The following COX7B2 variants were observed in gnomAD, a reference collection of about 807,000 sequenced individuals.
COX7B2 encodes cytochrome c oxidase subunit 7B2.
For synonymous variants in COX7B2, 37 were observed against 32.1 expected, an observed-to-expected ratio of 1.15 and a Z score of -0.51; for missense variants, 109 against 95.9, an observed-to-expected ratio of 1.14 and a Z score of -0.57.
At chr4:46,756,228 A>G (rs1715790057) in intron 2 of COX7B2, among the ~76,000 whole-genome samples, 1 of 152,122 alleles carries the variant, frequency 6.6e-6, no homozygotes, top group South Asian at 2.1e-4. Context: ...ATCCTATTCA[A>G]TAATGTTGCT....
chr4:46,885,724 T>G (rs1033018133), intron 1 of COX7B2, among the ~76,000 whole-genome samples: 1 of 152,166 alleles, frequency 6.6e-6, no homozygotes, highest in African/African-American at 2.4e-5. Context: ...TTCTCATTTA[T>G]CTAAGCATTT....
intron 1 of COX7B2, among the ~76,000 whole-genome samples, chr4:46,877,688 C>T (rs946486680): frequency 1.2e-4 from 18 of 152,110 alleles, no homozygotes; most frequent in Non-Finnish European, 2.4e-4. Flanking sequence ...CACCCCATAC[C>T]TGTTAGAATA....
intron 2 of COX7B2, among the ~76,000 whole-genome samples, chr4:46,759,656 A>G (rs1231046576): frequency 6.6e-6 from 1 of 152,216 alleles, no homozygotes; most frequent in South Asian, 2.1e-4. Flanking sequence ...ATACCATCTC[A>G]TGCCAGTTAG....
At chr4:46,846,914 A>G (rs1716318143) in intron 1 of COX7B2, among the ~76,000 whole-genome samples, 1 of 151,948 alleles carries the variant, frequency 6.6e-6, no homozygotes, top group South Asian at 2.1e-4. Flanking sequence ...AGAGTGTGGG[A>G]AAAAACAGGT....
intron 1 of COX7B2, among the ~76,000 whole-genome samples, chr4:46,897,806 C>A (rs1245754637): frequency 6.6e-6 from 1 of 152,214 alleles, no homozygotes; most frequent in Non-Finnish European, 1.5e-5. Flanking sequence ...CACCTCACCC[C>A]TACCCTGGGT....
intron 2 of COX7B2, among the ~76,000 whole-genome samples, chr4:46,739,571 G>A (rs1714582263): frequency 6.6e-6 from 1 of 152,114 alleles, no homozygotes; most frequent in Non-Finnish European, 1.5e-5. Flanking sequence ...AGCACAGGGT[G>A]TATTTAGTTC....
intron 2 of COX7B2, among the ~76,000 whole-genome samples, chr4:46,778,194 T>C (rs578160902): frequency 6.6e-6 from 1 of 152,092 alleles, no homozygotes; most frequent in Non-Finnish European, 1.5e-5. Flanking sequence ...ATAAGAACTT[T>C]GAAAATTTCA....
At chr4:46,797,330 G>T (rs4309808) in intron 2 of COX7B2, among the ~76,000 whole-genome samples, 151,961 of 152,208 alleles carry the variant, frequency 1, 75,857 homozygotes, top group Middle Eastern at 1. Context: ...CAAACATCAC[G>T]GTGTTCTACC....
chr4:46,902,930 T>C (rs1720158458), intron 1 of COX7B2, among the ~76,000 whole-genome samples: 1 of 152,110 alleles, frequency 6.6e-6, no homozygotes, highest in African/African-American at 2.4e-5. Flanking sequence ...ATTCTATAAC[T>C]AAGGCTGAAA....
At chr4:46,760,856 G>A (rs1386088697) in intron 2 of COX7B2, among the ~76,000 whole-genome samples, 1 of 152,156 alleles carries the variant, frequency 6.6e-6, no homozygotes, top group Non-Finnish European at 1.5e-5. Context: ...TCTTAGTTAA[G>A]TGTTCAAAAT....
intron 1 of COX7B2, among the ~76,000 whole-genome samples, chr4:46,880,992 A>AT (rs1491293141): frequency 7.0e-6 from 1 of 143,550 alleles, no homozygotes; most frequent in Non-Finnish European, 1.5e-5. Flanking sequence ...TTAGAGTATA[A>AT]TAAAAAAAAA....
At chr4:46,873,150 ACTCATC>A (rs1360261808) in intron 1 of COX7B2, among the ~76,000 whole-genome samples, 3 of 152,028 alleles carry the variant, frequency 2.0e-5, no homozygotes, top group Non-Finnish European at 4.4e-5. Context: ...AAGGACATGA[ACTCATC>A]CTTTTTTACA....
At chr4:46,861,734 T>C (rs897240095) in intron 1 of COX7B2, among the ~76,000 whole-genome samples, 2 of 152,224 alleles carry the variant, frequency 1.3e-5, no homozygotes, top group Admixed American at 1.3e-4. Flanking sequence ...GCGGTGGTTG[T>C]AGAATGTTTC....
intron 1 of COX7B2, among the ~76,000 whole-genome samples, chr4:46,880,406 C>T (rs991210294): frequency 1.5e-5 from 2 of 129,132 alleles, no homozygotes; most frequent in African/African-American, 5.5e-5. Context: ...TCTATCAGGT[C>T]CTGGGCTTTT....
intron 1 of COX7B2, among the ~76,000 whole-genome samples, chr4:46,850,577 C>A (rs906480069): frequency 3.3e-5 from 5 of 152,072 alleles, no homozygotes; most frequent in African/African-American, 7.2e-5. Flanking sequence ...GACTTCACTT[C>A]ATTTTAATAT....
intron 1 of COX7B2, among the ~76,000 whole-genome samples, chr4:46,867,984 G>A (rs1717771847): frequency 6.6e-6 from 1 of 152,110 alleles, no homozygotes; most frequent in Non-Finnish European, 1.5e-5. Flanking sequence ...GGTAGAATCT[G>A]GCTGTGAATT....
intron 2 of COX7B2, among the ~76,000 whole-genome samples, chr4:46,793,998 G>A (rs1718188752): frequency 6.6e-6 from 1 of 152,130 alleles, no homozygotes; most frequent in African/African-American, 2.4e-5. Context: ...TGAAGCAACT[G>A]CCATGAAAGA....
At chr4:46,788,529 T>C (rs1467809113) in intron 2 of COX7B2, among the ~76,000 whole-genome samples, 1 of 152,172 alleles carries the variant, frequency 6.6e-6, no homozygotes, top group Non-Finnish European at 1.5e-5. Flanking sequence ...AAGTTATAAA[T>C]GTAAAAAGAA....
chr4:46,749,162 G>A (rs901036899), intron 2 of COX7B2, among the ~76,000 whole-genome samples: 2 of 152,160 alleles, frequency 1.3e-5, no homozygotes, highest in East Asian at 1.9e-4. Context: ...GCTCATCCCA[G>A]TGAACAGCAT....
Sources: gnomAD v4.1 joint callset for allele counts (sites outside exome capture counted in the v4.1 genomes callset) on GRCh38, gnomAD v4.1.1 for gene constraint, MANE v1.5 for transcripts, NCBI Gene and HGNC (gene_info 2026-07-23, HGNC 2026-07-21) for gene names.